COL25A1: variants seen among roughly 807,000 people sequenced by gnomAD.
COL25A1 encodes the protein collagen alpha-1(XXV) chain.
A neutral mutation model predicts 128.4 loss-of-function variants in COL25A1; 103 were observed. The observed-to-expected ratio is 0.80, with a 90% CI of 0.68 to 0.94. The LOEUF (loss-of-function observed/expected upper bound fraction) is 0.94, where lower values mean the gene tolerates loss of function less well. COL25A1 is among the 40% of genes least tolerant of loss of function. The pLI is 0.00. For missense variants in COL25A1, 745 were observed against 840.0 expected, an observed-to-expected ratio of 0.89 and a Z score of 1.40; for synonymous variants, 279 against 277.2, an observed-to-expected ratio of 1.01 and a Z score of -0.06.
intron 3 of COL25A1, among the ~76,000 whole-genome samples, chr4:109,093,608 T>A (rs1765147978): frequency 6.6e-6 from 1 of 151,902 alleles, no homozygotes; most frequent in Non-Finnish European, 1.5e-5. Flanking sequence ...ACCACTGCAT[T>A]CCAGCCCGGG....
chr4:108,901,956 A>G (rs1192571327), intron 13 of COL25A1, among the ~76,000 whole-genome samples: 1 of 152,096 alleles, frequency 6.6e-6, no homozygotes, highest in Non-Finnish European at 1.5e-5. Context: ...CATGTGGCTC[A>G]AACTTACAGC....
chr4:109,058,275 C>CT (rs752001192), intron 3 of COL25A1, among the ~76,000 whole-genome samples: 8 of 152,030 alleles, frequency 5.3e-5, no homozygotes, highest in Non-Finnish European at 7.4e-5. Flanking sequence ...ATCATGACAG[C>CT]TTTTTTTATT....
chr4:108,820,087 G>A (rs34773892), intron 35 of COL25A1, among the ~76,000 whole-genome samples: 27,299 of 152,048 alleles, frequency 0.18, 2,656 homozygotes, highest in Non-Finnish European at 0.23. Context: ...GGGGCATGTG[G>A]GATTTTATTT....
intron 3 of COL25A1, among the ~76,000 whole-genome samples, chr4:109,143,803 T>G (rs924533494): frequency 3.3e-5 from 5 of 152,192 alleles, no homozygotes; most frequent in Admixed American, 3.3e-4. Flanking sequence ...CTAACCCTTT[T>G]TCAAGGTTCT....
intron 26 of COL25A1, among the ~76,000 whole-genome samples, chr4:108,849,408 T>C (rs867518930): frequency 1.3e-5 from 2 of 152,236 alleles, no homozygotes; most frequent in African/African-American, 4.8e-5. Context: ...CAATTTCTTA[T>C]ACTGTGCTAT....
intron 6 of COL25A1, among the ~76,000 whole-genome samples, chr4:109,005,827 A>C (rs529377060): frequency 1.3e-5 from 2 of 152,326 alleles, no homozygotes; most frequent in Admixed American, 1.3e-4. Context: ...TGCAGTGTCC[A>C]TACCCTTCCA....
At chr4:109,087,844 T>C (rs1764550280) in intron 3 of COL25A1, among the ~76,000 whole-genome samples, 1 of 152,024 alleles carries the variant, frequency 6.6e-6, no homozygotes, top group Non-Finnish European at 1.5e-5. Context: ...GTCAAATAGC[T>C]GCAGTGGACT....
chr4:109,035,139 A>T (rs113909081), intron 5 of COL25A1, among the ~76,000 whole-genome samples: 14 of 152,320 alleles, frequency 9.2e-5, no homozygotes, highest in African/African-American at 3.1e-4. Flanking sequence ...GAGATTTATC[A>T]TATTGATTTT....
At chr4:108,824,019 C>T in intron 35 of COL25A1, 155 bp downstream of exon 35, 1 of 1,602,898 alleles carries the variant, frequency 6.2e-7, no homozygotes. Context: ...CTTCATTCCT[C>T]TCTGAAGACC....
At chr4:109,051,487 G>A (rs1369426427) in intron 3 of COL25A1, among the ~76,000 whole-genome samples, 1 of 152,094 alleles carries the variant, frequency 6.6e-6, no homozygotes, top group Admixed American at 6.6e-5. Context: ...ATAAAGGGAT[G>A]TTTTCATCAT....
chr4:108,983,915 T>C (rs905329981), intron 6 of COL25A1, among the ~76,000 whole-genome samples: 14 of 152,150 alleles, frequency 9.2e-5, no homozygotes, highest in African/African-American at 2.9e-4. Flanking sequence ...GCTTCCACAG[T>C]GTGGAAGGGG....
intron 6 of COL25A1, among the ~76,000 whole-genome samples, chr4:108,976,250 A>T (rs1752432128): frequency 6.6e-6 from 1 of 152,220 alleles, no homozygotes; most frequent in Non-Finnish European, 1.5e-5. Flanking sequence ...TGAATTTATT[A>T]AGAACTGATT....
intron 3 of COL25A1, among the ~76,000 whole-genome samples, chr4:109,192,572 G>T (rs1361679166): frequency 1.3e-5 from 2 of 152,176 alleles, no homozygotes; most frequent in African/African-American, 4.8e-5. Context: ...AAGAGAAGGT[G>T]GGCCTGGCGC....
chr4:108,863,209 T>C (rs552903350), intron 21 of COL25A1, 110 bp downstream of exon 21: 1 of 980,440 alleles, frequency 1.0e-6, no homozygotes, highest in East Asian at 2.6e-5. Context: ...CAACAAACTA[T>C]TTGTGATTTG....
At chr4:108,824,543 A>C (rs947644190) in intron 34 of COL25A1, among the ~76,000 whole-genome samples, 2 of 152,212 alleles carry the variant, frequency 1.3e-5, no homozygotes, top group African/African-American at 4.8e-5. Context: ...TCTGCACTTT[A>C]GTCCGTTGAC....
chr4:109,041,859 C>T (rs1759931014), intron 5 of COL25A1, among the ~76,000 whole-genome samples: 1 of 152,052 alleles, frequency 6.6e-6, no homozygotes, highest in South Asian at 2.1e-4. Flanking sequence ...AGTCTGGGCT[C>T]CTGCAAGGAG....
At position 108,971,273 on chromosome 4, in the gene COL25A1, T is replaced by G. The variant is rs867773934; in HGVS notation, c.492+3094A>C. Among the ~76,000 whole-genome samples the G allele has an allele frequency of 7.2e-5, 11 of 152,306 alleles. No homozygotes were observed. The Middle Eastern group carries it at 0.017, about 235-fold the overall frequency. ...GATATAACAATATTTTATTCATACA[T>G]TCAACAAATATTTATTGAATCTTCA... On this transcript the variant is annotated intron_variant, in intron 8 of 37. Transcript: ENST00000399132.
chr4:109,184,679 C>T (rs942023874), intron 3 of COL25A1, among the ~76,000 whole-genome samples: 7 of 152,126 alleles, frequency 4.6e-5, no homozygotes, highest in Non-Finnish European at 7.3e-5. Flanking sequence ...TCTGGACATC[C>T]TTTTCTAAAG....
chr4:109,124,684 C>A (rs1687528458), intron 3 of COL25A1, among the ~76,000 whole-genome samples: 1 of 151,852 alleles, frequency 6.6e-6, no homozygotes, highest in African/African-American at 2.4e-5. Flanking sequence ...ATGCAAAATG[C>A]TCCATCTCTC....
Sources: allele counts gnomAD v4.1 joint callset (sites outside exome capture counted in the v4.1 genomes callset), GRCh38; gene constraint gnomAD v4.1.1; transcripts MANE v1.5; gene names NCBI Gene and HGNC (gene_info 2026-07-23, HGNC 2026-07-21).